Variants in KCNC2 observed in about 807,000 individuals in gnomAD.
KCNC2 encodes voltage-gated potassium channel KCNC2.
In KCNC2, 21 loss-of-function variants were observed where a neutral mutation model predicts 44.5. The ratio of observed to expected loss-of-function variants is 0.47; its 90% CI spans 0.33 to 0.68. The LOEUF (loss-of-function observed/expected upper bound fraction) is 0.68, where lower values mean the gene tolerates loss of function less well. KCNC2 is among the 30% of genes least tolerant of loss of function. KCNC2 has a pLI of 0.01. For synonymous variants in KCNC2, 391 were observed against 339.1 expected, an observed-to-expected ratio of 1.15 and a Z score of -1.68; for missense variants, 589 against 826.2, an observed-to-expected ratio of 0.71 and a Z score of 3.52.
chr12:75,078,996 C>T (rs1441865937), intron 2 of KCNC2, among the ~76,000 whole-genome samples: 1 of 152,016 alleles, frequency 6.6e-6, no homozygotes, highest in African/African-American at 2.4e-5. Context: ...TTCTTTACTT[C>T]AGTCAAATAA....
chr12:75,166,793 A>G (rs1423968701), intron 2 of KCNC2, among the ~76,000 whole-genome samples: 1 of 151,302 alleles, frequency 6.6e-6, no homozygotes, highest in Admixed American at 6.6e-5. Flanking sequence ...AAAACTTCTT[A>G]GATAAATTTA....
At chr12:75,137,224 GT>G (rs1889296236) in intron 2 of KCNC2, among the ~76,000 whole-genome samples, 1 of 151,756 alleles carries the variant, frequency 6.6e-6, no homozygotes, top group Non-Finnish European at 1.5e-5. Context: ...TTCTCTTTTT[GT>G]CTTATAAATA....
At chr12:75,063,479 C>A (rs1456102266) in intron 2 of KCNC2, among the ~76,000 whole-genome samples, 2 of 152,008 alleles carry the variant, frequency 1.3e-5, no homozygotes, top group Non-Finnish European at 2.9e-5. Context: ...AACTGCCTGC[C>A]TTATCTCACC....
chr12:75,186,793 A>G (rs982366938), intron 2 of KCNC2, among the ~76,000 whole-genome samples: 2 of 152,210 alleles, frequency 1.3e-5, no homozygotes. Context: ...GCACATTAGG[A>G]TGTCAAGTAA....
intron 2 of KCNC2, among the ~76,000 whole-genome samples, chr12:75,186,223 T>G (rs1050795180): frequency 6.6e-6 from 1 of 151,858 alleles, no homozygotes; most frequent in Non-Finnish European, 1.5e-5. Flanking sequence ...CTTCTTGGAG[T>G]TCTTGAAACA....
intron 2 of KCNC2, among the ~76,000 whole-genome samples, chr12:75,182,383 C>A (rs974094662): frequency 2.0e-5 from 3 of 151,302 alleles, no homozygotes; most frequent in African/African-American, 4.9e-5. Flanking sequence ...ATTAGCGGGG[C>A]GTGGTGGCGG....
chr12:75,129,109 T>C (rs762376796), intron 2 of KCNC2, among the ~76,000 whole-genome samples: 21 of 152,216 alleles, frequency 1.4e-4, no homozygotes, highest in Non-Finnish European at 2.4e-4. Context: ...CACTTGGTTA[T>C]ACATTTCATC....
intron 2 of KCNC2, among the ~76,000 whole-genome samples, chr12:75,154,009 T>G (rs1031667397): frequency 1.3e-5 from 2 of 151,962 alleles, no homozygotes; most frequent in Admixed American, 1.3e-4. Context: ...TATGTATAAA[T>G]GGACCTGCAC....
intron 2 of KCNC2, among the ~76,000 whole-genome samples, chr12:75,177,831 T>A (rs1315608238): frequency 6.6e-6 from 1 of 152,010 alleles, no homozygotes; most frequent in Non-Finnish European, 1.5e-5. Context: ...GTATGTGGGT[T>A]GGGATGAGCA....
At chr12:75,053,394 T>C (rs1338782640) in intron 2 of KCNC2, among the ~76,000 whole-genome samples, 1 of 151,050 alleles carries the variant, frequency 6.6e-6, no homozygotes, top group Non-Finnish European at 1.5e-5. Context: ...TGTGTGTGCG[T>C]GTGTGTTTGT....
chr12:75,202,605 A>G (rs1267678049), intron 2 of KCNC2, among the ~76,000 whole-genome samples: 2 of 151,804 alleles, frequency 1.3e-5, no homozygotes, highest in African/African-American at 4.8e-5. Flanking sequence ...AAATAGCTCA[A>G]TTGTTGTTTG....
intron 2 of KCNC2, among the ~76,000 whole-genome samples, chr12:75,105,153 T>C (rs1031845095): frequency 6.6e-6 from 1 of 151,852 alleles, no homozygotes; most frequent in African/African-American, 2.4e-5. Context: ...GTACAGGGAG[T>C]GAAGATTTAC....
chr12:75,108,365 C>T (rs181823184), intron 2 of KCNC2, among the ~76,000 whole-genome samples: 1 of 152,238 alleles, frequency 6.6e-6, no homozygotes, highest in Non-Finnish European at 1.5e-5. Context: ...AGCATGTAGG[C>T]AAGGGGTCTG....
chr12:75,208,048 A>G (rs1333625057), intron 1 of KCNC2, 46 bp from the exon 2 acceptor site: 4 of 1,598,948 alleles, frequency 2.5e-6, no homozygotes, highest in African/African-American at 1.4e-5. Flanking sequence ...CTTAGCCGTC[A>G]AAGACACACC....
chr12:75,051,414 A>T, intron 2 of KCNC2, 97 bp from the exon 3 acceptor site: 2 of 711,256 alleles, frequency 2.8e-6, no homozygotes, highest in Admixed American at 6.0e-5. Context: ...AATAAAAAAG[A>T]ATAACAGCAT....
In KCNC2 at chr12:75,209,618, A is replaced by T. The variant is rs1222245552; in HGVS notation, c.-431T>A. On this transcript the variant is annotated 5_prime_UTR_variant, in exon 1 of 5. Transcript: ENST00000549446. ...AGGAGAGCTCACCACTTGAAGGTGA[A>T]GTCGCCCTGCTCGGATTCCATCTGC... The T allele has an allele frequency of 6.6e-6, 1 of 152,320 alleles. No individual in the cohort carries two copies. The highest frequency in any genetic ancestry group is 1.5e-5 in the Non-Finnish European group (1 of 68,182). The allele number at this position is 152,320 out of a possible 1,614,324, so 9.4% of individuals were successfully genotyped here. A position where few individuals can be genotyped will look rare whatever the true frequency, so the allele number is the denominator to read the frequency against.
intron 2 of KCNC2, among the ~76,000 whole-genome samples, chr12:75,161,152 A>C (rs908730542): frequency 6.6e-6 from 1 of 151,760 alleles, no homozygotes; most frequent in South Asian, 2.1e-4. Flanking sequence ...AGATATCCTA[A>C]TATAAAAACT....
intron 2 of KCNC2, among the ~76,000 whole-genome samples, chr12:75,191,774 C>A (rs2137717639): frequency 6.6e-6 from 1 of 151,582 alleles, no homozygotes; most frequent in Middle Eastern, 3.4e-3. Context: ...TGGTCTCGAT[C>A]TCCTGACCTC....
intron 2 of KCNC2, among the ~76,000 whole-genome samples, chr12:75,104,065 T>C (rs1382901870): frequency 6.7e-6 from 1 of 150,100 alleles, no homozygotes; most frequent in Non-Finnish European, 1.5e-5. Flanking sequence ...CATCGAGCCA[T>C]GACAATGTCA....
Sources: gnomAD v4.1 joint callset for allele counts (sites outside exome capture counted in the v4.1 genomes callset) on GRCh38, gnomAD v4.1.1 for gene constraint, MANE v1.5 for transcripts, NCBI Gene and HGNC (gene_info 2026-07-23, HGNC 2026-07-21) for gene names.